Variants in PNPLA3 observed in about 807,000 individuals in gnomAD.
The protein encoded by PNPLA3 is 1-acylglycerol-3-phosphate O-acyltransferase PNPLA3.
Under a neutral mutation model 43.1 loss-of-function variants are expected in PNPLA3, and 42 were observed. The ratio of observed to expected loss-of-function variants is 0.97; its 90% CI spans 0.76 to 1.26. PNPLA3 has a LOEUF of 1.26. PNPLA3 is among the 50% of genes most tolerant of loss of function. The pLI, the probability that PNPLA3 is intolerant of heterozygous loss-of-function variation, is 0.00. For synonymous variants in PNPLA3, 272 were observed against 253.6 expected, an observed-to-expected ratio of 1.07 and a Z score of -0.69; for missense variants, 647 against 621.4, an observed-to-expected ratio of 1.04 and a Z score of -0.44.
rs1555885363 is a variant in PNPLA3 at position 43,927,503 on chromosome 22, AAG to A, written c.420+338_420+339del. On this transcript the variant is annotated intron_variant, in intron 2 of 8. Transcript: ENST00000216180. The stretch of plus-strand genomic sequence containing the variant: ...AGATGCTGTCTGGAAAAAAAAAAAA[AAG>A]AAAGACTGTTTTGTTTTGGAAGCAA... Among the ~76,000 whole-genome samples the A allele has an allele frequency of 1.6e-3, 214 of 135,674 alleles. 6 individuals carry two copies. In the East Asian group the frequency reaches 0.045, roughly 29 times the overall value. The allele number at this position is 135,674 out of a possible 152,430, so 89.0% of individuals were successfully genotyped here.
chr22:43,940,549 C>T (rs570766290), intron 7 of PNPLA3, among the ~76,000 whole-genome samples: 1 of 152,362 alleles, frequency 6.6e-6, no homozygotes, highest in East Asian at 1.9e-4. Flanking sequence ...TGGCTCACGG[C>T]TGTAATCCCA....
At position 43,926,931 on chromosome 22, in the gene PNPLA3, C is replaced by T. The variant is rs765653982; in HGVS notation, c.188-4C>T. ...TCTTTCATGTATTTGTCTCCTGTCC[C>T]CAGAGCAGACTCTGCAGGTCCTCTC... On this transcript the variant is annotated splice_polypyrimidine_tract_variant and splice_region_variant and intron_variant, in intron 1 of 8. Transcript: ENST00000216180. 6.8e-6 allele frequency: 11 copies of T among 1,613,226 alleles called. No homozygotes were observed. The highest frequency in any genetic ancestry group is 5.5e-5 in the South Asian group (5 of 91,068).
chr22:43,930,786 G>A (rs758549229), intron 3 of PNPLA3, among the ~76,000 whole-genome samples: 1 of 152,204 alleles, frequency 6.6e-6, no homozygotes, highest in African/African-American at 2.4e-5. Flanking sequence ...CATTGGGTCT[G>A]TGCCGGCTCA....
intron 3 of PNPLA3, among the ~76,000 whole-genome samples, chr22:43,929,753 C>A (rs566725302): frequency 6.6e-6 from 1 of 151,602 alleles, no homozygotes; most frequent in Non-Finnish European, 1.5e-5. Context: ...CCTGCCGTCA[C>A]GCCAAGCTAA....
At chr22:43,931,939 G>C (rs139850140) in intron 3 of PNPLA3, among the ~76,000 whole-genome samples, 2 of 152,328 alleles carry the variant, frequency 1.3e-5, no homozygotes, top group African/African-American at 4.8e-5. Context: ...TGATGGCTAA[G>C]GTGTGGCTGA....
intron 6 of PNPLA3, among the ~76,000 whole-genome samples, chr22:43,937,663 T>C (rs1375775788): frequency 1.3e-5 from 2 of 152,174 alleles, no homozygotes; most frequent in Non-Finnish European, 2.9e-5. Flanking sequence ...ATGGGGGTCC[T>C]GCATCTGGGA....
intron 1 of PNPLA3, among the ~76,000 whole-genome samples, chr22:43,925,225 G>A (rs541355316): frequency 6.6e-6 from 1 of 152,230 alleles, no homozygotes; most frequent in Non-Finnish European, 1.5e-5. Flanking sequence ...TCCTGGAAAT[G>A]AGATTCCGTA....
intron 2 of PNPLA3, among the ~76,000 whole-genome samples, chr22:43,927,593 G>A (rs1016138950): frequency 1.4e-5 from 2 of 147,030 alleles, no homozygotes; most frequent in African/African-American, 5.0e-5. Flanking sequence ...CCAGTGATTT[G>A]GTCCATGTTT....
chr22:43,934,656 G>A lies in PNPLA3; in HGVS notation c.747G>A (p.Leu249=). 1 of 1,612,814 alleles carries A rather than the reference G, an allele frequency of 6.2e-7. No individual in the cohort carries two copies. Among genetic ancestry groups the A allele is most frequent in the Admixed American group, 1.7e-5 (1 of 60,016 alleles). ...GATATTTGGATGCATTCAGGTTCTTGGAAGAGAAGGGTATGTATGGGCTGG... is the reference window on the plus strand; with the variant it reads ...GATATTTGGATGCATTCAGGTTCTTAGAAGAGAAGGGTATGTATGGGCTGG... ...LRGYLDAFRF[L]EEKGICNRPQ... is the part of the protein sequence containing the mutation. The change falls in exon 5 of 9, where the codon TTG becomes TTA. Residue 249 remains leucine, a synonymous_variant. Transcript: ENST00000216180.
intron 3 of PNPLA3, among the ~76,000 whole-genome samples, chr22:43,932,057 G>GC (rs910012806): frequency 2.3e-4 from 35 of 152,242 alleles, no homozygotes; most frequent in African/African-American, 8.2e-4. Flanking sequence ...TCTTTTGGAT[G>GC]CCTTTCTCTG....
chr22:43,934,373 TG>T (rs2049981580), intron 4 of PNPLA3, among the ~76,000 whole-genome samples: 1 of 150,092 alleles, frequency 6.7e-6, no homozygotes, highest in African/African-American at 2.5e-5. Context: ...TCTGGCCTGC[TG>T]GGGTGCCTGC....
At chr22:43,935,831 G>A (rs5764414) in intron 5 of PNPLA3, among the ~76,000 whole-genome samples, 43,191 of 152,012 alleles carry the variant, frequency 0.28, 7,297 homozygotes, top group Middle Eastern at 0.41. Flanking sequence ...GCCACTGAGG[G>A]CTGCTGCAGT....
intron 5 of PNPLA3, among the ~76,000 whole-genome samples, chr22:43,936,398 G>T (rs1295692260): frequency 3.3e-5 from 5 of 152,154 alleles, no homozygotes; most frequent in Non-Finnish European, 5.9e-5. Flanking sequence ...AGCTGTGGTT[G>T]TCTGAAGTCC....
intron 7 of PNPLA3, among the ~76,000 whole-genome samples, chr22:43,943,768 T>C (rs140993444): frequency 6.5e-4 from 99 of 152,300 alleles, no homozygotes; most frequent in African/African-American, 2.2e-3. Context: ...TTTAGTAAGT[T>C]AGTCTGTCAT....
rs1185371228 is a variant in PNPLA3 at position 43,946,534 on chromosome 22, G to A, written c.*152G>A. ...CTGAGTTGGTTTTATGAAAAGCTAGGAAGCAACCTTTCGCCTGTGCAGCGG... is the reference window on the plus strand; with the variant it reads ...CTGAGTTGGTTTTATGAAAAGCTAGAAAGCAACCTTTCGCCTGTGCAGCGG... On this transcript the variant is annotated 3_prime_UTR_variant, in exon 9 of 9. Coordinates refer to ENST00000216180, the MANE Select transcript of PNPLA3 (RefSeq NM_025225.3). The A allele has an allele frequency of 1.4e-5, 11 of 773,124 alleles. No individual in the cohort carries two copies. Among genetic ancestry groups the A allele is most frequent in the Admixed American group, 2.1e-5 (1 of 48,518 alleles). 47.9% of individuals were successfully genotyped at this position (773,124 alleles called of 1,614,324 possible). A position where few individuals can be genotyped will look rare whatever the true frequency, so the allele number is the denominator to read the frequency against.
At chr22:43,933,868 A>G (rs1250068094) in intron 4 of PNPLA3, among the ~76,000 whole-genome samples, 1 of 152,196 alleles carries the variant, frequency 6.6e-6, no homozygotes, top group Non-Finnish European at 1.5e-5. Flanking sequence ...CTCACAGTCC[A>G]AGGGAGAGGG....
chr22:43,926,180 C>T (rs1785170665), intron 1 of PNPLA3, among the ~76,000 whole-genome samples: 1 of 152,226 alleles, frequency 6.6e-6, no homozygotes, highest in Non-Finnish European at 1.5e-5. Context: ...GCAGAACCTG[C>T]CAGCCACGTG....
At position 43,926,457 on chromosome 22, in the gene PNPLA3, TGTGGGGCATGGAG is replaced by T. The variant is rs535987011; in HGVS notation, c.188-461_188-449del. On this transcript the variant is annotated intron_variant, in intron 1 of 8. Transcript: ENST00000216180. Reference sequence around the variant, plus strand: ...AATGCTGATATGTTCCTGGCCTCTATGTGGGGCATGGAGGTGGGGCATGGAGGTGAGGCCTGCT... The same window carrying T: ...AATGCTGATATGTTCCTGGCCTCTATGTGGGGCATGGAGGTGAGGCCTGCT... Among the ~76,000 whole-genome samples, 7 of 152,218 alleles carry T rather than the reference TGTGGGGCATGGAG, an allele frequency of 4.6e-5. No individual in the cohort carries two copies. The East Asian group carries it at 1.2e-3, about 25-fold the overall frequency.
intron 6 of PNPLA3, chr22:43,939,359 T>A: frequency 2.1e-6 from 2 of 972,626 alleles, no homozygotes; most frequent in Non-Finnish European, 2.4e-6. Flanking sequence ...AATGGACATG[T>A]CTTTTCAAGG....
Sources: allele counts gnomAD v4.1 joint callset (sites outside exome capture counted in the v4.1 genomes callset), GRCh38; gene constraint gnomAD v4.1.1; transcripts MANE v1.5; gene names NCBI Gene and HGNC (gene_info 2026-07-23, HGNC 2026-07-21).